The following STAT5B variants were observed in gnomAD, a reference collection of about 807,000 sequenced individuals.
STAT5B encodes the protein signal transducer and activator of transcription 5B, also known as transcription factor STAT5B.
STAT5B carries 21 observed loss-of-function variants against 107.8 expected under a neutral mutation model. That is an observed-to-expected ratio of 0.19 (90% CI 0.14 to 0.28). The LOEUF (loss-of-function observed/expected upper bound fraction) is 0.28. Ranked by LOEUF, STAT5B falls within the 10% of genes least tolerant of loss-of-function variation. The pLI, the probability that STAT5B is intolerant of heterozygous loss-of-function variation, is 1.00. For missense variants in STAT5B, 565 were observed against 1,008.2 expected (o/e 0.56, Z 5.95); for synonymous variants, 325 against 401.7 (o/e 0.81, Z 2.28).
Position 42,217,393 on chromosome 17 carries a change from G to T in STAT5B, c.1241C>A (p.Ala414Asp). Residue 414 changes from alanine (A) to aspartate (D), a missense_variant, in exon 10 of 19, where the codon GCC (alanine) becomes GAC (aspartate). By Grantham distance (126) the Ala-to-Asp change is moderately radical. Transcript: ENST00000293328. ...CACCCTCACCATATTCCTGAAGTGG[G>T]CACTAAGGGTGCCTGTGGCTTGGTG... ...EYHQATGTLS[A>D]HFRNMSLKRI... The T allele has an allele frequency of 6.2e-7, 1 of 1,614,190 alleles. No homozygotes were observed. Among genetic ancestry groups the T allele is most frequent in the Non-Finnish European group, 8.5e-7 (1 of 1,180,046 alleles).
At chr17:42,217,074 T>C in intron 11 of STAT5B, 86 bp downstream of exon 11, 1 of 1,547,222 alleles carries the variant, frequency 6.5e-7, no homozygotes, top group South Asian at 1.2e-5. Context: ...GAAGATGCTA[T>C]GTGATAAAAA....
chr17:42,207,487 G>GCGCA (rs879046450), intron 16 of STAT5B, 71 bp downstream of exon 16: 1 of 1,059,300 alleles, frequency 9.4e-7, no homozygotes. Flanking sequence ...ACGCAGGTAT[G>GCGCA]CACACACACA....
At chr17:42,272,130 C>T (rs1197310799) in intron 1 of STAT5B, 2 of 152,164 alleles carry the variant, frequency 1.3e-5, no homozygotes, top group African/African-American at 4.8e-5. Context: ...TTAACTCATC[C>T]TGCAACATTT....
At position 42,255,253 on chromosome 17, in the gene STAT5B, A is replaced by C. The variant is rs141469713; in HGVS notation, c.-11+20995T>G. On this transcript the variant is annotated intron_variant, in intron 1 of 18. Transcript: ENST00000293328. ...ATAATCAGGCTGTAAGAATGAGAAC[A>C]ATTTGTTTTATGAAACATGGAGAAA... 5.0e-3 allele frequency among the ~76,000 whole-genome samples: 757 copies of C among 152,346 alleles called. 7 individuals carry two copies. Among genetic ancestry groups the C allele is most frequent in the Non-Finnish European group, 5.9e-3 (400 of 68,036 alleles).
In STAT5B at chr17:42,221,240, C is replaced by T. The variant is rs182848005; in HGVS notation, c.551-1398G>A. On this transcript the variant is annotated intron_variant, in intron 5 of 18. Transcript: ENST00000293328. ...GACGGACAGATCCAAGGTATCTGCA[C>T]GGCTACCTCAGGAATCCTGCCCAGC... Among the ~76,000 whole-genome samples, 8 of 152,300 alleles carry T rather than the reference C, an allele frequency of 5.3e-5. No homozygotes were observed. The South Asian group carries it at 6.2e-4, about 12-fold the overall frequency.
intron 1 of STAT5B, among the ~76,000 whole-genome samples, chr17:42,240,053 G>C (rs1490149513): frequency 6.6e-6 from 1 of 152,238 alleles, no homozygotes; most frequent in Non-Finnish European, 1.5e-5. Flanking sequence ...GGAATTGCTT[G>C]AATCTGGGAG....
the STAT5B span, among the ~76,000 whole-genome samples, chr17:42,284,144 C>G: frequency 1.2e-4 from 18 of 152,244 alleles, no homozygotes; most frequent in East Asian, 3.9e-4. Flanking sequence ...CCCTCCACCC[C>G]CCAAGGAAGG....
chr17:42,201,134 C>G lies in STAT5B; in HGVS notation c.*604G>C. On this transcript the variant is annotated 3_prime_UTR_variant, in exon 19 of 19. Transcript: ENST00000293328. ...CCGAAAGCTTGTGACTTCCCTTGCC[C>G]CAACAATCTTTGTAGGTTGCCCCTT... is the stretch of plus-strand genomic sequence containing the variant. 2.5e-6 allele frequency: 1 copy of G among 406,426 alleles called. No individual in the cohort carries two copies. Among genetic ancestry groups the G allele is most frequent in the Non-Finnish European group, 4.3e-6 (1 of 230,578 alleles). 25.2% of individuals were successfully genotyped at this position (406,426 alleles called of 1,614,324 possible). A position where few individuals can be genotyped will look rare whatever the true frequency, so the allele number is the denominator to read the frequency against.
chr17:42,242,305 A>G (rs1393058173), intron 1 of STAT5B, among the ~76,000 whole-genome samples: 1 of 152,202 alleles, frequency 6.6e-6, no homozygotes, highest in Admixed American at 6.5e-5. Context: ...TAAAGAGAGT[A>G]GACTCAGACA....
intron 1 of STAT5B, among the ~76,000 whole-genome samples, chr17:42,273,314 C>A (rs2080736409): frequency 6.6e-6 from 1 of 152,056 alleles, no homozygotes; most frequent in Admixed American, 6.6e-5. Context: ...TTGAGGACAG[C>A]GATAGTGCAG....
chr17:42,212,390 A>G (rs1040352497), intron 12 of STAT5B, among the ~76,000 whole-genome samples, 200 bp from the exon 13 acceptor site: 15 of 152,254 alleles, frequency 9.9e-5, no homozygotes, highest in African/African-American at 3.6e-4. Context: ...ACACACAACT[A>G]GAAGGTAACC....
chr17:42,262,576 T>C (rs181508512), intron 1 of STAT5B, among the ~76,000 whole-genome samples: 31 of 151,718 alleles, frequency 2.0e-4, no homozygotes, highest in African/African-American at 6.0e-4. Flanking sequence ...ACTAATGGAA[T>C]TATAAGAAAA....
chr17:42,212,170 C>G lies in STAT5B; in HGVS notation c.1494G>C (p.Val498=), dbSNP rs1332741678. 6.2e-7 allele frequency: 1 copy of G among 1,614,152 alleles called. No individual in the cohort carries two copies. Among genetic ancestry groups the G allele is most frequent in the South Asian group, 1.1e-5 (1 of 91,080 alleles). Residue 498 remains valine, a synonymous_variant, in exon 13 of 19, where the codon GTG becomes GTC. Transcript: ENST00000293328. Reference sequence around the variant, plus strand: ...GCTGTGGCCACAGCACTTTGTCAGGCACGGCAAATGGCACCCTGCCCTGAG... The same window carrying G: ...GCTGTGGCCACAGCACTTTGTCAGGGACGGCAAATGGCACCCTGCCCTGAG... ...FAEPGRVPFA[V]PDKVLWPQLC...
Position 42,201,368 on chromosome 17 carries a change from C to A in STAT5B, c.*370G>T. 1 of 576,228 alleles carries A rather than the reference C, an allele frequency of 1.7e-6. No homozygotes were observed. Among genetic ancestry groups the A allele is most frequent in the South Asian group, 2.3e-5 (1 of 43,586 alleles). The allele number at this position is 576,228 out of a possible 1,614,324, so 35.7% of individuals were successfully genotyped here. A position where few individuals can be genotyped will look rare whatever the true frequency, so the allele number is the denominator to read the frequency against. On this transcript the variant is annotated 3_prime_UTR_variant, in exon 19 of 19. Coordinates refer to ENST00000293328, the MANE Select transcript of STAT5B (RefSeq NM_012448.4). ...ATTCAAACAGCCACATGTCAAAGTC[C>A]AGCCACTCTTAAGACACATGGCCAA...
chr17:42,216,128 C>T (rs763805504), intron 11 of STAT5B, 22 bp from the exon 12 acceptor site: 37 of 1,605,132 alleles, frequency 2.3e-5, no homozygotes, highest in Non-Finnish European at 2.8e-5. Context: ...CAAGAGAAGG[C>T]TGAGCGCCCA....
In STAT5B at chr17:42,212,280, G is replaced by A. The variant is rs1330273870; in HGVS notation, c.1474-90C>T. On this transcript the variant is annotated intron_variant, in intron 12 of 18. Coordinates refer to ENST00000293328, the MANE Select transcript of STAT5B (RefSeq NM_012448.4). ...AAAAGAAAAACGCTGATGGCTGGGA[G>A]TGGTTACACACATTTGTCTTGCAGG... is the stretch of plus-strand genomic sequence containing the variant. 3.8e-6 allele frequency: 6 copies of A among 1,596,000 alleles called. No individual in the cohort carries two copies. In the East Asian group the frequency reaches 9.0e-5, roughly 24 times the overall value.
chr17:42,249,877 G>C (rs894568522), intron 1 of STAT5B, among the ~76,000 whole-genome samples: 3 of 152,054 alleles, frequency 2.0e-5, no homozygotes, highest in African/African-American at 7.2e-5. Context: ...GCCCAGGCTG[G>C]TCTCGAACTC....
chr17:42,262,970 G>GTGTGTATA (rs2080626695), intron 1 of STAT5B, among the ~76,000 whole-genome samples: 13 of 20,946 alleles, frequency 6.2e-4, no homozygotes, highest in Non-Finnish European at 1.0e-3. Flanking sequence ...GTGTGTGTGT[G>GTGTGTATA]TATATATATA....
chr17:42,266,266 A>T (rs1035033334), intron 1 of STAT5B, among the ~76,000 whole-genome samples: 3 of 151,972 alleles, frequency 2.0e-5, no homozygotes, highest in Non-Finnish European at 4.4e-5. Context: ...AGGGGCTCAC[A>T]CCTGCAGTCC....
Sources: allele counts gnomAD v4.1 joint callset (sites outside exome capture counted in the v4.1 genomes callset), GRCh38; gene constraint gnomAD v4.1.1; transcripts MANE v1.5; gene names NCBI Gene and HGNC (gene_info 2026-07-23, HGNC 2026-07-21).